LDB3: variants seen among roughly 807,000 people sequenced by gnomAD.
LDB3 encodes LIM domain-binding protein 3.
LDB3 carries 49 observed loss-of-function variants against 69.0 expected under a neutral mutation model. The ratio of observed to expected loss-of-function variants is 0.71; its 90% CI spans 0.56 to 0.90. The LOEUF is 0.90. Among genes scored for constraint, LDB3 ranks in the 40% least tolerant of loss-of-function variants. The pLI, the probability that LDB3 is intolerant of heterozygous loss-of-function variation, is 0.00. For missense variants in LDB3, 928 were observed against 974.1 expected, an observed-to-expected ratio of 0.95 and a Z score of 0.63; for synonymous variants, 387 against 396.2, an observed-to-expected ratio of 0.98 and a Z score of 0.28.
Position 86,699,432 on chromosome 10 carries a change from A to G in LDB3, c.896+6861A>G. The G allele has an allele frequency of 6.2e-7, 1 of 1,609,702 alleles. No individual in the cohort carries two copies. The highest frequency in any genetic ancestry group is 8.5e-7 in the Non-Finnish European group (1 of 1,178,380). On this transcript the variant is annotated intron_variant, in intron 7 of 13. Transcript: ENST00000361373. This position sits in a 1 kb window ranked among gnomAD's most constrained non-coding sequence, Gnocchi z 4.9. ...CTGGACTCCCTCCATCCTTACCCCC[A>G]CACAGATCTGGCATGTGAGCCCCAC... is the stretch of plus-strand genomic sequence containing the variant.
rs1847538643 is a variant in LDB3 at position 86,733,290 on chromosome 10, A to G, written c.*314A>G. On this transcript the variant is annotated 3_prime_UTR_variant, in exon 14 of 14. Transcript: ENST00000361373. ...ACAAGCAGCTTTCCCAAAGCGATAC[A>G]CTTGCTTTGGTCACCAGAGGAGGAC... 1 of 367,316 alleles carries G rather than the reference A, an allele frequency of 2.7e-6. No individual in the cohort carries two copies. The highest frequency in any genetic ancestry group is 5.3e-6 in the Non-Finnish European group (1 of 190,096). 22.8% of individuals were successfully genotyped at this position (367,316 alleles called of 1,614,324 possible).
chr10:86,690,953 C>A (rs1221001184), intron 5 of LDB3, among the ~76,000 whole-genome samples: 1 of 152,188 alleles, frequency 6.6e-6, no homozygotes, highest in African/African-American at 2.4e-5. Flanking sequence ...GCTGGGCCAG[C>A]AGTCTGTTAC....
At chr10:86,706,496 C>A in intron 7 of LDB3, 35 bp from the exon 8 acceptor site, 1 of 1,608,428 alleles carries the variant, frequency 6.2e-7, no homozygotes. Flanking sequence ...TCTAGGCTCC[C>A]TTGACCTGTT....
At chr10:86,680,881 G>C (rs79873852) in intron 4 of LDB3, among the ~76,000 whole-genome samples, 3,337 of 152,340 alleles carry the variant, frequency 0.022, 98 homozygotes, top group African/African-American at 0.063. Context: ...AAAAGAGGCT[G>C]ACAGGGGTGG....
intron 5 of LDB3, among the ~76,000 whole-genome samples, chr10:86,688,581 G>T (rs1845614014): frequency 6.6e-6 from 1 of 152,188 alleles, no homozygotes; most frequent in Non-Finnish European, 1.5e-5. Flanking sequence ...GGGCAAGGTT[G>T]ATTGAATTCC....
At chr10:86,722,724 G>T (rs779693600) in intron 12 of LDB3, among the ~76,000 whole-genome samples, 1 of 151,236 alleles carries the variant, frequency 6.6e-6, no homozygotes, top group African/African-American at 2.4e-5. Context: ...CCACCAACAC[G>T]CCTGGCTAAT....
At chr10:86,720,540 C>CCCTT (rs1267621945) in intron 12 of LDB3, among the ~76,000 whole-genome samples, 1 of 138,694 alleles carries the variant, frequency 7.2e-6, no homozygotes, top group South Asian at 2.3e-4. Context: ...TGAAACAAGT[C>CCCTT]ACTTACTCTG....
chr10:86,733,001 G>A lies in LDB3; in HGVS notation c.*25G>A, dbSNP rs376479778. ...GGCGGCCAAGGCCGCCTGTGCTGAC[G>A]AGGCCCGGAGCTGCTCCTGCTGCTG... On this transcript the variant is annotated 3_prime_UTR_variant, in exon 14 of 14. Transcript: ENST00000361373. 3.9e-5 allele frequency: 60 copies of A among 1,553,952 alleles called. No individual in the cohort carries two copies. The African/African-American group carries it at 4.6e-4, about 12-fold the overall frequency.
At chr10:86,685,734 G>A in intron 5 of LDB3, 1 of 1,613,670 alleles carries the variant, frequency 6.2e-7, no homozygotes, top group Non-Finnish European at 8.5e-7. Context: ...GTGTGCGCTT[G>A]CGTGCCAGCC....
chr10:86,728,508 G>A (rs1031873275), intron 13 of LDB3, among the ~76,000 whole-genome samples: 1 of 151,748 alleles, frequency 6.6e-6, no homozygotes, highest in Non-Finnish European at 1.5e-5. Context: ...CATGGAGATC[G>A]TTAGGTCTCC....
intron 8 of LDB3, among the ~76,000 whole-genome samples, chr10:86,708,581 T>C (rs1408123851): frequency 6.6e-6 from 1 of 152,168 alleles, no homozygotes; most frequent in African/African-American, 2.4e-5. Flanking sequence ...CCTTGGACAC[T>C]GTCTCTTCCT....
At chr10:86,677,031 G>A (rs979347925) in intron 2 of LDB3, among the ~76,000 whole-genome samples, 1 of 152,228 alleles carries the variant, frequency 6.6e-6, no homozygotes, top group Admixed American at 6.5e-5. Flanking sequence ...TAGCCAGGAA[G>A]GTGACTGGGA....
intron 5 of LDB3, among the ~76,000 whole-genome samples, chr10:86,683,889 C>T (rs538232941): frequency 2.8e-4 from 42 of 152,364 alleles, no homozygotes; most frequent in Middle Eastern, 6.8e-3. Flanking sequence ...CTGCACAACC[C>T]ACCTGCGGGG....
At chr10:86,681,949 G>A (rs940904663) in intron 5 of LDB3, 146 bp downstream of exon 5, 11 of 845,232 alleles carry the variant, frequency 1.3e-5, no homozygotes, top group African/African-American at 6.8e-5. Flanking sequence ...GTGATCCTGC[G>A]GCATTTGCCA....
intron 12 of LDB3, among the ~76,000 whole-genome samples, chr10:86,724,091 A>T (rs1847176076): frequency 6.6e-6 from 1 of 151,772 alleles, no homozygotes; most frequent in Non-Finnish European, 1.5e-5. Context: ...CAGGTGGATC[A>T]CTTGAGGTCA....
chr10:86,684,900 G>C (rs1845377894), intron 5 of LDB3, among the ~76,000 whole-genome samples: 1 of 152,232 alleles, frequency 6.6e-6, no homozygotes, highest in African/African-American at 2.4e-5. Context: ...TTTCCCTACA[G>C]AGACCATGCT....
intron 8 of LDB3, among the ~76,000 whole-genome samples, chr10:86,707,131 C>T (rs1589664518): frequency 6.6e-6 from 1 of 152,112 alleles, no homozygotes; most frequent in South Asian, 2.1e-4. Flanking sequence ...AAAGTTGTCC[C>T]TGTGGGCTGG....
At chr10:86,678,004 G>A (rs1253292820) in intron 2 of LDB3, among the ~76,000 whole-genome samples, 1 of 151,950 alleles carries the variant, frequency 6.6e-6, no homozygotes, top group Non-Finnish European at 1.5e-5. Context: ...GGTTATAAGA[G>A]GCTAATCAAG....
intron 2 of LDB3, among the ~76,000 whole-genome samples, chr10:86,670,979 G>A (rs563936152): frequency 7.8e-4 from 119 of 152,298 alleles, no homozygotes; most frequent in African/African-American, 2.1e-3. Context: ...ATTTACTGCC[G>A]GGGCTCGCAG....
Sources: gnomAD v4.1 joint callset for allele counts (sites outside exome capture counted in the v4.1 genomes callset) on GRCh38, gnomAD v4.1.1 for gene constraint, Gnocchi (gnomAD v3.1) non-coding constraint, MANE v1.5 for transcripts, NCBI Gene and HGNC (gene_info 2026-07-23, HGNC 2026-07-21) for gene names.